The following FUS variants were observed in gnomAD, a reference collection of about 807,000 sequenced individuals.
FUS encodes FUS RNA binding protein, also known as RNA-binding protein FUS.
A neutral mutation model predicts 82.7 loss-of-function variants in FUS; 5 were observed. That is an observed-to-expected ratio of 0.06 (90% confidence interval 0.03 to 0.13). FUS has a LOEUF of 0.13. Ranked by LOEUF, FUS falls within the 10% of genes least tolerant of loss-of-function variation. FUS has a pLI of 1.00. For synonymous variants in FUS, 281 were observed against 247.4 expected, an observed-to-expected ratio of 1.14 and a Z score of -1.27; for missense variants, 512 against 707.8, an observed-to-expected ratio of 0.72 and a Z score of 3.14.
intron 5 of FUS, 58 bp from the exon 6 acceptor site, chr16:31,184,881 A>G (rs1596896810): frequency 3.8e-6 from 6 of 1,564,022 alleles, no homozygotes; most frequent in East Asian, 2.2e-5. Context: ...CAAACCTTTT[A>G]GTGCTACTTT....
chr16:31,190,286 C>A lies in FUS; in HGVS notation c.1180C>A (p.Arg394Ser), dbSNP rs781216283. The change falls in exon 12 of 15, where the codon CGT (arginine) becomes AGT (serine). Residue 394 changes from arginine to serine, a missense_variant. Physicochemically the swap from Arg to Ser is moderately radical, Grantham distance 110. Transcript: ENST00000254108. ...TCTATCTGCATTAGGACCCATGGGCCGTGGAGGCTATGGAGGTGGTGGCAG... is the reference window on the plus strand; with the variant it reads ...TCTATCTGCATTAGGACCCATGGGCAGTGGAGGCTATGGAGGTGGTGGCAG... ...GGRGRGGPMG[R>S]GGYGGGGSGG... 6.2e-7 allele frequency: 1 copy of A among 1,613,896 alleles called. No individual in the cohort carries two copies.
chr16:31,189,933 T>A, intron 10 of FUS, 107 bp from the exon 11 acceptor site: 2 of 1,565,116 alleles, frequency 1.3e-6, no homozygotes, highest in African/African-American at 2.7e-5. Flanking sequence ...CATTTTTGCT[T>A]ATGTGTCAGC....
downstream of FUS, chr16:31,191,760 A>C: frequency 1.6e-6 from 1 of 615,882 alleles, no homozygotes; most frequent in Non-Finnish European, 3.0e-6. Flanking sequence ...CAGAGATTAA[A>C]CTTTTCTGTC....
chr16:31,191,063 G>T lies in FUS; in HGVS notation c.1494G>T (p.Arg498=), dbSNP rs748486688. The stretch of plus-strand genomic sequence containing the variant: ...ACCGTGGAGGCTTCCGAGGGGGCCG[G>T]GGTGGTGGGGACAGAGGTGGCTTTG... The part of the protein sequence containing the change: ...GGDRGGFRGG[R]GGGDRGGFGP... Residue 498 remains arginine, a synonymous_variant, in exon 14 of 15, where the codon CGG becomes CGT. Coordinates refer to ENST00000254108, the MANE Select transcript of FUS (RefSeq NM_004960.4). 4 of 1,613,358 alleles carry T rather than the reference G, an allele frequency of 2.5e-6. No homozygotes were observed. Among genetic ancestry groups the T allele is most frequent in the Non-Finnish European group, 3.4e-6 (4 of 1,180,018 alleles).
chr16:31,193,760 G>A (rs1392538653), downstream of FUS: 1 of 530,548 alleles, frequency 1.9e-6, no homozygotes, highest in East Asian at 3.9e-5. Flanking sequence ...AGCCTCCCAA[G>A]TAGCTGGGAC....
downstream of FUS, chr16:31,191,686 T>TA (rs2079363678): frequency 1.5e-6 from 1 of 686,854 alleles, no homozygotes; most frequent in Non-Finnish European, 2.7e-6. Flanking sequence ...CTGTTCAGAT[T>TA]ACCCTGCCCA....
At position 31,189,610 on chromosome 16, in the gene FUS, G is replaced by GA. The variant is rs1180109698; in HGVS notation, c.937-52dup. Reference sequence around the variant, plus strand: ...CCTCATGTTCTAGAGGAAGAAGATGGAAAGGGAGTACTGTAGCCTTTAAAA... The same window carrying GA: ...CCTCATGTTCTAGAGGAAGAAGATGGAAAAGGGAGTACTGTAGCCTTTAAAA... On this transcript the variant is annotated intron_variant, in intron 9 of 14. Coordinates refer to ENST00000254108, the MANE Select transcript of FUS (RefSeq NM_004960.4). The GA allele has an allele frequency of 9.3e-6, 15 of 1,612,626 alleles. No homozygotes were observed. In the African/African-American group the frequency reaches 9.3e-5, roughly 10 times the overall value.
chr16:31,187,222 TGTGA>T (rs2079283734), intron 7 of FUS: 1 of 353,152 alleles, frequency 2.8e-6, no homozygotes, highest in South Asian at 4.5e-5. Context: ...CTTGTGTGTG[TGTGA>T]GTGTGTGGGA....
chr16:31,185,195 G>A lies in FUS; in HGVS notation c.764+16G>A, dbSNP rs1335374925. On this transcript the variant is annotated intron_variant, in intron 6 of 14. Coordinates refer to ENST00000254108, the MANE Select transcript of FUS (RefSeq NM_004960.4). ...GTGGCATGGGGTAGGTGTCTCATGA[G>A]CCAGGGAGTATCTTTGGTGGGGAGT... The A allele has an allele frequency of 1.3e-6, 2 of 1,599,574 alleles. No individual in the cohort carries two copies. Among genetic ancestry groups the A allele is most frequent in the East Asian group, 4.5e-5 (2 of 44,540 alleles).
Position 31,188,343 on chromosome 16 carries a change from C to T in FUS, c.818C>T (p.Ser273Leu), listed in dbSNP as rs2079302080. The change falls in exon 8 of 15, where the codon TCA becomes TTA. Residue 273 changes from serine to leucine, a missense_variant. Physicochemically the swap from Ser to Leu is moderately radical, Grantham distance 145. Transcript: ENST00000254108. ...NKFGGPRDQG[S>L]RHDSEQDNSD... ...ACTAAAGGCCCTCGGGACCAAGGAT[C>T]ACGTCATGACTCCGGTGAGTTCACA... 2 of 1,612,300 alleles carry T rather than the reference C, an allele frequency of 1.2e-6. No homozygotes were observed. The highest frequency in any genetic ancestry group is 2.2e-5 in the East Asian group (1 of 44,856).
downstream of FUS, chr16:31,191,929 T>G (rs73530293): frequency 0.014 from 7,445 of 534,676 alleles, 296 homozygotes; most frequent in African/African-American, 0.098. Flanking sequence ...AAGAACTCTT[T>G]GATCTTTTGG....
downstream of FUS, chr16:31,193,636 C>G (rs1475592004): frequency 1.9e-6 from 1 of 529,922 alleles, no homozygotes; most frequent in Admixed American, 2.2e-5. Flanking sequence ...GAAATAGGGT[C>G]CCAGGTGACT....
At chr16:31,192,249 T>A (rs1332532515), downstream of FUS, 1 of 526,228 alleles carries the variant, frequency 1.9e-6, no homozygotes, top group Admixed American at 2.2e-5. Context: ...GATCCCTTTT[T>A]GATTGGAGGG....
intron 6 of FUS, chr16:31,186,125 A>G: frequency 4.2e-6 from 1 of 238,484 alleles, no homozygotes; most frequent in East Asian, 6.0e-5. Context: ...GCAAAACTTT[A>G]AAAAGAAAAA....
At position 31,184,245 on chromosome 16, in the gene FUS, G is replaced by A; in HGVS notation, c.372G>A (p.Gln124=). Residue 124 remains glutamine, a synonymous_variant, in exon 5 of 15, where the codon CAG becomes CAA. Transcript: ENST00000254108. ...GSSSQSSSYG[Q]PQSGSYSQQP... is the part of the protein sequence containing the mutation. ...GTTCTCAGAGCAGCAGCTATGGGCA[G>A]CCCCAGAGTGGGAGCTACAGCCAGC... The A allele has an allele frequency of 6.2e-7, 1 of 1,614,152 alleles. No individual in the cohort carries two copies. The highest frequency in any genetic ancestry group is 8.5e-7 in the Non-Finnish European group (1 of 1,180,014).
chr16:31,191,008 A>G lies in FUS; in HGVS notation c.1439A>G (p.Asp480Gly). ...DDRRGGRGGY[D>G]RGGYRGRGGD... ...CGTCGTGGTGGCAGAGGAGGCTATG[A>G]TCGAGGCGGCTACCGGGGCCGCGGC... The change falls in exon 14 of 15, where the codon GAT becomes GGT. Residue 480 changes from aspartate (D) to glycine (G), a missense_variant. By Grantham distance (94) the Asp-to-Gly change is moderately conservative (BLOSUM62 -1). Around this residue, in one of 6 missense-constraint regions of FUS, gnomAD observed 96 missense variants for 120.7 expected, o/e 0.80. Coordinates refer to ENST00000254108, the MANE Select transcript of FUS (RefSeq NM_004960.4). 6.2e-7 allele frequency: 1 copy of G among 1,613,758 alleles called. No homozygotes were observed. Among genetic ancestry groups the G allele is most frequent in the Non-Finnish European group, 8.5e-7 (1 of 1,179,928 alleles).
downstream of FUS, chr16:31,192,410 A>G (rs1263649163): frequency 5.7e-6 from 3 of 522,812 alleles, no homozygotes; most frequent in Non-Finnish European, 1.1e-5. Flanking sequence ...CATGCTTTTT[A>G]TTTTAGTTAC....
Position 31,187,015 on chromosome 16 carries a change from G to C in FUS, c.799+179G>C, listed in dbSNP as rs60976516. 8,007 of 686,184 alleles carry C rather than the reference G, an allele frequency of 0.012. 309 individuals are homozygous for C. The highest frequency in any genetic ancestry group is 0.097 in the African/African-American group (5,501 of 56,506). The allele number at this position is 686,184 out of a possible 1,614,324, so 42.5% of individuals were successfully genotyped here. A position where few individuals can be genotyped will look rare whatever the true frequency, so the allele number is the denominator to read the frequency against. On this transcript the variant is annotated intron_variant, in intron 7 of 14. Coordinates refer to ENST00000254108, the MANE Select transcript of FUS (RefSeq NM_004960.4). ...GCCTGGTGTGTGCTAACCTGGAGCA[G>C]GTAGGGGTAAGACTCAATAGTCATC...
chr16:31,180,295 T>C, intron 1 of FUS, 68 bp downstream of exon 1: 1 of 1,560,484 alleles, frequency 6.4e-7, no homozygotes, highest in South Asian at 1.2e-5. Context: ...GCTTTTCGTT[T>C]TCAGTGGGAC....
Sources: gnomAD v4.1 joint callset for allele counts on GRCh38, gnomAD v4.1.1 for gene constraint, gnomAD v4.1.1 regional missense constraint, MANE v1.5 for transcripts, NCBI Gene and HGNC (gene_info 2026-07-23, HGNC 2026-07-21) for gene names.